The following RIT2 variants were observed in gnomAD, a reference collection of about 807,000 sequenced individuals.
The protein encoded by RIT2 is Ras like without CAAX 2, also known as GTP-binding protein Rit2.
Under a neutral mutation model 23.7 loss-of-function variants are expected in RIT2, and 24 were observed. That is an observed-to-expected ratio of 1.01 (90% CI 0.73 to 1.43). The LOEUF is 1.43. Ranked by LOEUF, RIT2 falls within the 40% of genes most tolerant of loss-of-function variation. The pLI, the probability that RIT2 is intolerant of heterozygous loss-of-function variation, is 0.00. For synonymous variants in RIT2, 107 were observed against 91.1 expected (o/e 1.17, Z -0.99); for missense variants, 236 against 266.9 (o/e 0.88, Z 0.81).
At chr18:42,914,209 T>G (rs949879917) in intron 4 of RIT2, among the ~76,000 whole-genome samples, 1 of 152,090 alleles carries the variant, frequency 6.6e-6, no homozygotes, top group Non-Finnish European at 1.5e-5. Flanking sequence ...TATAAAATAA[T>G]AGAGCCATTC....
At position 42,777,303 on chromosome 18, in the gene RIT2, A is replaced by G. The variant is rs1341730075; in HGVS notation, c.427-33583T>C. On this transcript the variant is annotated intron_variant, in intron 4 of 4. Coordinates refer to ENST00000326695, the MANE Select transcript of RIT2 (RefSeq NM_002930.4). Reference sequence around the variant, plus strand: ...TGGACTTCAAAAAAAAAAAAAAAAGAAAGAGAGAAACAGGACTGGAGACAT... The same window carrying G: ...TGGACTTCAAAAAAAAAAAAAAAAGGAAGAGAGAAACAGGACTGGAGACAT... Among the ~76,000 whole-genome samples, 5 of 149,764 alleles carry G rather than the reference A, an allele frequency of 3.3e-5. No homozygotes were observed. In the East Asian group the frequency reaches 7.8e-4, roughly 23 times the overall value.
At chr18:42,877,635 T>C (rs1288066749) in intron 4 of RIT2, among the ~76,000 whole-genome samples, 1 of 151,570 alleles carries the variant, frequency 6.6e-6, no homozygotes, top group Non-Finnish European at 1.5e-5. Flanking sequence ...TGTATGTTTA[T>C]ATACAGCTTG....
intron 1 of RIT2, among the ~76,000 whole-genome samples, chr18:43,074,346 T>G (rs1022011544): frequency 3.3e-5 from 5 of 152,234 alleles, no homozygotes; most frequent in African/African-American, 1.2e-4. Flanking sequence ...CATACGTGTA[T>G]GTATTTATAA....
In RIT2 at chr18:42,776,568, G is replaced by A. The variant is rs545334427; in HGVS notation, c.427-32848C>T. On this transcript the variant is annotated intron_variant, in intron 4 of 4. Coordinates refer to ENST00000326695, the MANE Select transcript of RIT2 (RefSeq NM_002930.4). Reference sequence around the variant, plus strand: ...AAATATCTTATTTAATTTTCAACCTGCTTCTTACATTTATCAATATCAAAT... The same window carrying A: ...AAATATCTTATTTAATTTTCAACCTACTTCTTACATTTATCAATATCAAAT... 7.9e-5 allele frequency among the ~76,000 whole-genome samples: 12 copies of A among 152,030 alleles called. No homozygotes were observed. The South Asian group carries it at 2.5e-3, about 32-fold the overall frequency.
At chr18:42,945,955 A>G (rs1462180784) in intron 3 of RIT2, among the ~76,000 whole-genome samples, 1 of 152,156 alleles carries the variant, frequency 6.6e-6, no homozygotes, top group African/African-American at 2.4e-5. Context: ...TTGAAGAACA[A>G]GCACTAATTG....
At chr18:42,759,485 C>G (rs534931604) in intron 4 of RIT2, among the ~76,000 whole-genome samples, 19 of 151,976 alleles carry the variant, frequency 1.3e-4, no homozygotes, top group Non-Finnish European at 2.4e-4. Context: ...GTCTCTTTGT[C>G]TAGAACACAA....
At chr18:43,085,508 CT>C (rs542955840) in intron 1 of RIT2, among the ~76,000 whole-genome samples, 31 of 152,216 alleles carry the variant, frequency 2.0e-4, no homozygotes, top group African/African-American at 6.7e-4. Flanking sequence ...CATTCTTCTC[CT>C]TTCCTACCAG....
intron 4 of RIT2, among the ~76,000 whole-genome samples, chr18:42,835,452 C>A (rs895719643): frequency 2.0e-5 from 3 of 152,078 alleles, no homozygotes; most frequent in African/African-American, 7.2e-5. Flanking sequence ...AAGAAGATTT[C>A]TCCAAAGCTT....
intron 4 of RIT2, among the ~76,000 whole-genome samples, chr18:42,918,136 A>T (rs1352958932): frequency 2.0e-5 from 3 of 152,160 alleles, no homozygotes; most frequent in African/African-American, 7.2e-5. Context: ...TATTGCACAT[A>T]GAGATATTAG....
intron 1 of RIT2, among the ~76,000 whole-genome samples, chr18:43,115,029 GTTTAAT>G (rs758234266): frequency 6.6e-6 from 1 of 152,186 alleles, no homozygotes; most frequent in South Asian, 2.1e-4. Context: ...TTGTAACTGT[GTTTAAT>G]TGAATATTCA....
chr18:43,091,241 G>C (rs1409106936), intron 1 of RIT2, among the ~76,000 whole-genome samples: 1 of 151,848 alleles, frequency 6.6e-6, no homozygotes, highest in African/African-American at 2.4e-5. Flanking sequence ...CCTTTGTGCT[G>C]TTATTTAAGA....
At chr18:42,869,566 T>C (rs1944414) in intron 4 of RIT2, among the ~76,000 whole-genome samples, 1 of 152,218 alleles carries the variant, frequency 6.6e-6, no homozygotes, top group South Asian at 2.1e-4. Flanking sequence ...TCGTCATACA[T>C]TTTTTATTAT....
chr18:42,935,734 G>A (rs1909438563), intron 3 of RIT2, among the ~76,000 whole-genome samples: 1 of 152,096 alleles, frequency 6.6e-6, no homozygotes, highest in Non-Finnish European at 1.5e-5. Flanking sequence ...ACAAAGGAAC[G>A]AAATGGTGAA....
intron 4 of RIT2, among the ~76,000 whole-genome samples, chr18:42,855,677 A>G (rs1252943332): frequency 6.6e-6 from 1 of 152,194 alleles, no homozygotes; most frequent in Admixed American, 6.5e-5. Flanking sequence ...TCTCATTTCA[A>G]AAAGTTCACA....
At chr18:42,792,567 A>G (rs1914067651) in intron 4 of RIT2, among the ~76,000 whole-genome samples, 1 of 152,100 alleles carries the variant, frequency 6.6e-6, no homozygotes, top group Non-Finnish European at 1.5e-5. Context: ...TTTCATATTC[A>G]TTCTCTAATT....
chr18:43,037,785 G>T (rs1912014260), intron 1 of RIT2, among the ~76,000 whole-genome samples: 1 of 152,092 alleles, frequency 6.6e-6, no homozygotes, highest in South Asian at 2.1e-4. Flanking sequence ...AGACAACTTG[G>T]CTGGATATAA....
At chr18:43,025,400 T>A (rs548553079) in intron 2 of RIT2, among the ~76,000 whole-genome samples, 1 of 152,140 alleles carries the variant, frequency 6.6e-6, no homozygotes, top group African/African-American at 2.4e-5. Flanking sequence ...AAAATCGAAC[T>A]ACCATTTGGT....
chr18:43,055,013 A>G (rs1912466895), intron 1 of RIT2, among the ~76,000 whole-genome samples: 1 of 152,092 alleles, frequency 6.6e-6, no homozygotes, highest in Admixed American at 6.6e-5. Context: ...GCATCAATTC[A>G]TGGGTAACCC....
intron 4 of RIT2, among the ~76,000 whole-genome samples, chr18:42,848,875 A>C (rs1449460005): frequency 6.6e-6 from 1 of 152,210 alleles, no homozygotes; most frequent in Admixed American, 6.5e-5. Context: ...AATTTTAAGA[A>C]AATGTCATTG....
Sources: gnomAD v4.1 joint callset for allele counts (sites outside exome capture counted in the v4.1 genomes callset) on GRCh38, gnomAD v4.1.1 for gene constraint, MANE v1.5 for transcripts, NCBI Gene and HGNC (gene_info 2026-07-23, HGNC 2026-07-21) for gene names.